CNTNAP5: variants seen among roughly 807,000 people sequenced by gnomAD.
CNTNAP5 encodes contactin associated protein family member 5.
CNTNAP5 carries 72 observed loss-of-function variants against 150.2 expected under a neutral mutation model. That is an observed-to-expected ratio of 0.48 (90% CI 0.40 to 0.58). The LOEUF is 0.58. Ranked by LOEUF, CNTNAP5 falls within the 20% of genes least tolerant of loss-of-function variation. The probability of loss-of-function intolerance (pLI) is 0.00; values close to 1 mark genes in which losing one functional copy is unlikely to be tolerated. For synonymous variants in CNTNAP5, 672 were observed against 619.8 expected (o/e 1.08, Z -1.25); for missense variants, 1,636 against 1,626.2 (o/e 1.01, Z -0.10).
At chr2:124,225,844 G>T (rs1489929588) in intron 2 of CNTNAP5, among the ~76,000 whole-genome samples, 1 of 152,114 alleles carries the variant, frequency 6.6e-6, no homozygotes, top group Non-Finnish European at 1.5e-5. Context: ...ACATTTTTCA[G>T]ATTCCTCATA....
chr2:124,193,825 T>C (rs1172841940), intron 1 of CNTNAP5, among the ~76,000 whole-genome samples: 1 of 152,098 alleles, frequency 6.6e-6, no homozygotes, highest in Admixed American at 6.5e-5. Flanking sequence ...ATGGTAGATA[T>C]GTACCTTGGA....
intron 13 of CNTNAP5, among the ~76,000 whole-genome samples, chr2:124,683,512 T>C (rs956015312): frequency 1.3e-5 from 2 of 152,164 alleles, no homozygotes; most frequent in African/African-American, 4.8e-5. Flanking sequence ...GTACCCAATG[T>C]GTAGTCTTTT....
intron 1 of CNTNAP5, among the ~76,000 whole-genome samples, chr2:124,119,993 G>T (rs1683523283): frequency 6.6e-6 from 1 of 152,162 alleles, no homozygotes; most frequent in Non-Finnish European, 1.5e-5. Context: ...CCACCTCAGA[G>T]TATCTGATTT....
intron 13 of CNTNAP5, among the ~76,000 whole-genome samples, chr2:124,734,832 GA>G (rs1680349307): frequency 6.6e-6 from 1 of 151,998 alleles, no homozygotes; most frequent in South Asian, 2.1e-4. Flanking sequence ...TGGTGTCATC[GA>G]ACAAGAATTC....
chr2:124,779,847 AC>A (rs1342225514), intron 17 of CNTNAP5, among the ~76,000 whole-genome samples: 1 of 151,874 alleles, frequency 6.6e-6, no homozygotes, highest in East Asian at 1.9e-4. Flanking sequence ...ATCCTGGTAC[AC>A]CCCCCTATCT....
At chr2:124,095,548 G>A (rs1435752723) in intron 1 of CNTNAP5, among the ~76,000 whole-genome samples, 1 of 152,018 alleles carries the variant, frequency 6.6e-6, no homozygotes, top group African/African-American at 2.4e-5. Flanking sequence ...TCCTTATCTG[G>A]CTCTTTCCCT....
chr2:124,862,901 C>T (rs766355997), intron 19 of CNTNAP5, among the ~76,000 whole-genome samples: 5 of 152,086 alleles, frequency 3.3e-5, no homozygotes, highest in Non-Finnish European at 7.3e-5. Flanking sequence ...CCTAAGAAGG[C>T]GAGTGAAGTA....
chr2:124,657,967 A>G (rs1678494649), intron 13 of CNTNAP5, among the ~76,000 whole-genome samples: 1 of 152,182 alleles, frequency 6.6e-6, no homozygotes, highest in Non-Finnish European at 1.5e-5. Flanking sequence ...TTATTTGTTC[A>G]CTATCTGCCT....
intron 1 of CNTNAP5, among the ~76,000 whole-genome samples, chr2:124,108,635 T>C (rs1683222108): frequency 6.6e-6 from 1 of 152,196 alleles, no homozygotes; most frequent in Non-Finnish European, 1.5e-5. Flanking sequence ...TATGGGAAGC[T>C]TTGAATGTGT....
At chr2:124,034,536 TG>T (rs1233865822) in intron 1 of CNTNAP5, among the ~76,000 whole-genome samples, 1 of 152,194 alleles carries the variant, frequency 6.6e-6, no homozygotes, top group Admixed American at 6.5e-5. Flanking sequence ...ACTTAGTTCC[TG>T]GGTTGGGTCA....
intron 13 of CNTNAP5, among the ~76,000 whole-genome samples, chr2:124,688,688 A>T (rs1375783357): frequency 6.6e-6 from 1 of 152,100 alleles, no homozygotes; most frequent in Non-Finnish European, 1.5e-5. Context: ...GGGAGGAATT[A>T]CAAAGCAGAG....
chr2:124,656,771 T>G (rs1678466722), intron 13 of CNTNAP5, among the ~76,000 whole-genome samples: 1 of 152,162 alleles, frequency 6.6e-6, no homozygotes, highest in African/African-American at 2.4e-5. Flanking sequence ...TTCCCATCAC[T>G]TTATGAAAGC....
intron 13 of CNTNAP5, among the ~76,000 whole-genome samples, chr2:124,746,791 A>G (rs1680612019): frequency 6.6e-6 from 1 of 152,174 alleles, no homozygotes; most frequent in South Asian, 2.1e-4. Flanking sequence ...TTCATATATT[A>G]AAATATTTTG....
chr2:124,032,024 G>A (rs923443440), intron 1 of CNTNAP5, among the ~76,000 whole-genome samples: 2 of 152,106 alleles, frequency 1.3e-5, no homozygotes, highest in African/African-American at 4.8e-5. Context: ...ACTCAAGTTT[G>A]TCTATGAATC....
At chr2:124,744,747 C>A (rs144602900) in intron 13 of CNTNAP5, among the ~76,000 whole-genome samples, 1,670 of 152,190 alleles carry the variant, frequency 0.011, 23 homozygotes, top group Middle Eastern at 0.034. Flanking sequence ...AAATTTACAG[C>A]CTAGGTTGTG....
At chr2:124,661,859 AT>A (rs66465215) in intron 13 of CNTNAP5, among the ~76,000 whole-genome samples, 20,489 of 151,918 alleles carry the variant, frequency 0.13, 1,544 homozygotes, top group Non-Finnish European at 0.17. Context: ...CTCCATTATA[AT>A]CTTTTTTTAA....
Position 124,914,182 on chromosome 2 carries a change from G to C in CNTNAP5, c.3818G>C (p.Ser1273Thr). 6.2e-7 allele frequency: 1 copy of C among 1,612,578 alleles called. No homozygotes were observed. Among genetic ancestry groups the C allele is most frequent in the South Asian group, 1.1e-5 (1 of 91,040 alleles). The change falls in exon 24 of 24, where the codon AGC becomes ACC. Residue 1273 changes from serine to threonine, a missense_variant. By Grantham distance (58) the Ser-to-Thr change is moderately conservative. Coordinates refer to ENST00000682447, the MANE Select transcript of CNTNAP5 (RefSeq NM_001367498.1). ...LYQHKQSHRT[S>T]QMKEKEYPEN... The stretch of plus-strand genomic sequence containing the variant: ...CAGCACAAGCAGTCACATCGTACGA[G>C]CCAGATGAAGGAGAAGGAATATCCA...
intron 2 of CNTNAP5, among the ~76,000 whole-genome samples, chr2:124,233,192 T>C (rs1049828587): frequency 6.6e-6 from 1 of 152,158 alleles, no homozygotes; most frequent in African/African-American, 2.4e-5. Context: ...CTGATAAGCC[T>C]GCCCAACATC....
At chr2:124,365,126 G>A (rs1032765201) in intron 3 of CNTNAP5, among the ~76,000 whole-genome samples, 2 of 151,978 alleles carry the variant, frequency 1.3e-5, no homozygotes, top group Non-Finnish European at 2.9e-5. Context: ...ACCTGGAAAG[G>A]GTAGTAAGAC....
Sources: gnomAD v4.1 joint callset for allele counts (sites outside exome capture counted in the v4.1 genomes callset) on GRCh38, gnomAD v4.1.1 for gene constraint, MANE v1.5 for transcripts, NCBI Gene and HGNC (gene_info 2026-07-23, HGNC 2026-07-21) for gene names.